Variants in RALYL observed in about 807,000 individuals in gnomAD.
RALYL encodes RALY RNA binding protein like, also known as RNA-binding Raly-like protein.
A neutral mutation model predicts 35.1 loss-of-function variants in RALYL; 29 were observed. The observed-to-expected ratio is 0.83, with a 90% CI of 0.61 to 1.13. The LOEUF (loss-of-function observed/expected upper bound fraction) is 1.13, where lower values mean the gene tolerates loss of function less well. RALYL is among the 50% of genes most tolerant of loss of function. The pLI is 0.00. For missense variants in RALYL, 359 were observed against 360.4 expected, an observed-to-expected ratio of 1.00 and a Z score of 0.03; for synonymous variants, 120 against 127.6, an observed-to-expected ratio of 0.94 and a Z score of 0.40.
chr8:84,336,201 T>G (rs1847771724), intron 1 of RALYL, among the ~76,000 whole-genome samples: 1 of 151,996 alleles, frequency 6.6e-6, no homozygotes, highest in African/African-American at 2.4e-5. Flanking sequence ...GAGCAACTGA[T>G]TTTTTTTAAC....
Position 84,838,268 on chromosome 8 carries a change from AAG to A in RALYL, c.366-11711_366-11710del, listed in dbSNP as rs540530434. ...AAATAGAGGTTCACTCAGAAAGAAA[AAG>A]GGGATTTTTATGAAAGAGATAGAAT... On this transcript the variant is annotated intron_variant, in intron 4 of 8. Coordinates refer to ENST00000521268, the MANE Select transcript of RALYL (RefSeq NM_173848.7). Among the ~76,000 whole-genome samples the A allele has an allele frequency of 3.6e-3, 548 of 152,306 alleles. 1 individual carries two copies. The highest frequency in any genetic ancestry group is 0.012 in the African/African-American group (493 of 41,564).
At chr8:84,797,701 A>G (rs1258876598) in intron 3 of RALYL, among the ~76,000 whole-genome samples, 1 of 152,244 alleles carries the variant, frequency 6.6e-6, no homozygotes, top group Non-Finnish European at 1.5e-5. Context: ...AGGGTAGACA[A>G]ACAAGATTTC....
intron 1 of RALYL, among the ~76,000 whole-genome samples, chr8:84,266,577 A>T (rs1165807294): frequency 6.6e-6 from 1 of 152,214 alleles, no homozygotes; most frequent in East Asian, 1.9e-4. Context: ...CCCTCTGGCA[A>T]GGGGTGTTTT....
intron 2 of RALYL, chr8:84,679,106 A>C (rs1245710403): frequency 1.7e-5 from 4 of 230,864 alleles, no homozygotes. Flanking sequence ...AAGATAGTAA[A>C]TGCTGATTCT....
intron 1 of RALYL, among the ~76,000 whole-genome samples, chr8:84,255,418 T>G (rs1831026233): frequency 6.6e-6 from 1 of 152,142 alleles, no homozygotes; most frequent in African/African-American, 2.4e-5. Context: ...TGACAGAATT[T>G]GGGGAAACAT....
chr8:84,341,349 A>C (rs1462412544), intron 1 of RALYL, among the ~76,000 whole-genome samples: 1 of 151,884 alleles, frequency 6.6e-6, no homozygotes, highest in Admixed American at 6.6e-5. Flanking sequence ...GCAGGTTAAC[A>C]TGTGAAATTC....
chr8:84,278,410 C>T (rs1585875662), intron 1 of RALYL, among the ~76,000 whole-genome samples: 1 of 152,324 alleles, frequency 6.6e-6, no homozygotes, highest in East Asian at 1.9e-4. Flanking sequence ...GAGGAGCTGC[C>T]ATGAAGGTCT....
chr8:84,284,210 A>G (rs1167026525), intron 1 of RALYL, among the ~76,000 whole-genome samples: 1 of 152,046 alleles, frequency 6.6e-6, no homozygotes, highest in Non-Finnish European at 1.5e-5. Flanking sequence ...GACATACTGC[A>G]TTTCCTTACC....
At chr8:84,624,736 GT>G (rs1170744755) in intron 2 of RALYL, among the ~76,000 whole-genome samples, 2 of 152,144 alleles carry the variant, frequency 1.3e-5, no homozygotes, top group African/African-American at 4.8e-5. Context: ...TACCACACTT[GT>G]TTTAGGTTTA....
At chr8:84,292,722 G>C (rs1838998232) in intron 1 of RALYL, among the ~76,000 whole-genome samples, 1 of 152,074 alleles carries the variant, frequency 6.6e-6, no homozygotes, top group Admixed American at 6.6e-5. Flanking sequence ...ATGTCAGAAA[G>C]TTACTTTATA....
intron 2 of RALYL, among the ~76,000 whole-genome samples, chr8:84,553,846 A>G (rs117264622): frequency 9.7e-4 from 147 of 152,292 alleles, no homozygotes; most frequent in Non-Finnish European, 1.9e-3. Context: ...CTATGTTAAT[A>G]TTTAAATATT....
Position 84,769,191 on chromosome 8 carries a change from G to T in RALYL, c.257-5388G>T, listed in dbSNP as rs1047528865. On this transcript the variant is annotated intron_variant, in intron 2 of 8. Coordinates refer to ENST00000521268, the MANE Select transcript of RALYL (RefSeq NM_173848.7). ...GTAGAAATCTGTTTTTATTTTACAT[G>T]CTTTTTTTGTTACAACTGTGTCACA... 3.3e-5 allele frequency among the ~76,000 whole-genome samples: 5 copies of T among 152,092 alleles called. No homozygotes were observed. The East Asian group carries it at 9.6e-4, about 29-fold the overall frequency.
intron 5 of RALYL, among the ~76,000 whole-genome samples, chr8:84,857,657 T>C (rs1837321973): frequency 6.6e-6 from 1 of 152,174 alleles, no homozygotes; most frequent in African/African-American, 2.4e-5. Flanking sequence ...GCCATTAAAA[T>C]AAACATTACG....
chr8:84,338,958 C>T (rs1433635164), intron 1 of RALYL, among the ~76,000 whole-genome samples: 1 of 151,898 alleles, frequency 6.6e-6, no homozygotes, highest in Non-Finnish European at 1.5e-5. Context: ...TATAACAAAC[C>T]TATTTTATAA....
At chr8:84,498,237 G>A (rs559831536) in intron 1 of RALYL, among the ~76,000 whole-genome samples, 21 of 151,684 alleles carry the variant, frequency 1.4e-4, no homozygotes, top group Non-Finnish European at 2.1e-4. Context: ...AGAGTTTTGC[G>A]GTCCAAATGA....
In RALYL at chr8:84,476,679, A is replaced by G. The variant is rs549282933; in HGVS notation, c.-23-52620A>G. Among the ~76,000 whole-genome samples the G allele has an allele frequency of 2.6e-5, 4 of 152,314 alleles. No individual in the cohort carries two copies. The East Asian group carries it at 7.7e-4, about 29-fold the overall frequency. On this transcript the variant is annotated intron_variant, in intron 1 of 8. Transcript: ENST00000521268. Reference sequence around the variant, plus strand: ...CAAATTTCTCAAATAATCTGTTTATACAGACATCCATGGAATCAGGGCAAA... The same window carrying G: ...CAAATTTCTCAAATAATCTGTTTATGCAGACATCCATGGAATCAGGGCAAA...
At chr8:84,865,399 T>G (rs1324728155) in intron 6 of RALYL, among the ~76,000 whole-genome samples, 1 of 152,300 alleles carries the variant, frequency 6.6e-6, no homozygotes, top group Non-Finnish European at 1.5e-5. Flanking sequence ...TGTCATTTCT[T>G]ATTTCAGAAT....
chr8:84,607,866 A>C (rs975896471), intron 2 of RALYL, among the ~76,000 whole-genome samples: 4 of 152,146 alleles, frequency 2.6e-5, no homozygotes, highest in Non-Finnish European at 4.4e-5. Flanking sequence ...AAATACAATA[A>C]AAATAAATTT....
intron 1 of RALYL, among the ~76,000 whole-genome samples, chr8:84,313,568 T>A (rs2130028547): frequency 6.6e-6 from 1 of 152,300 alleles, no homozygotes; most frequent in East Asian, 1.9e-4. Context: ...GCTTGGAAAT[T>A]TCTTCTGCGA....
Sources: allele counts gnomAD v4.1 joint callset (sites outside exome capture counted in the v4.1 genomes callset), GRCh38; gene constraint gnomAD v4.1.1; transcripts MANE v1.5; gene names NCBI Gene and HGNC (gene_info 2026-07-23, HGNC 2026-07-21).